The following AGXT2 variants were observed in gnomAD, a reference collection of about 807,000 sequenced individuals.
AGXT2 encodes alanine--glyoxylate aminotransferase 2.
A neutral mutation model predicts 62.5 loss-of-function variants in AGXT2; 61 were observed. The observed-to-expected ratio is 0.98, with a 90% CI of 0.79 to 1.21. AGXT2 has a LOEUF of 1.21. AGXT2 is among the 50% of genes most tolerant of loss of function. AGXT2 has a pLI of 0.00. For missense variants in AGXT2, 666 were observed against 641.5 expected (o/e 1.04, Z -0.41); for synonymous variants, 243 against 218.7 (o/e 1.11, Z -0.98).
intron 7 of AGXT2, among the ~76,000 whole-genome samples, chr5:35,028,581 G>T (rs1767447131): frequency 2.1e-5 from 2 of 93,496 alleles, no homozygotes; most frequent in Non-Finnish European, 4.4e-5. Context: ...GAGAGAGAGA[G>T]AGAGAGAGAG....
intron 4 of AGXT2, among the ~76,000 whole-genome samples, chr5:35,035,961 C>T (rs1296810059): frequency 6.6e-6 from 1 of 152,058 alleles, no homozygotes; most frequent in East Asian, 1.9e-4. Flanking sequence ...CCTGTAATCC[C>T]AGCTACTTGG....
intron 13 of AGXT2, 82 bp downstream of exon 13, chr5:35,003,681 C>G (rs1233469756): frequency 7.5e-7 from 1 of 1,339,504 alleles, no homozygotes; most frequent in Non-Finnish European, 1.1e-6. Flanking sequence ...ATCTTCACAG[C>G]TGTGAAGAAA....
rs1486720843 is a variant in AGXT2 at position 35,019,563 on chromosome 5, G to A, written c.964-5444C>T. 4.8e-4 allele frequency among the ~76,000 whole-genome samples: 73 copies of A among 152,224 alleles called. No individual in the cohort carries two copies. In the East Asian group the frequency reaches 0.011, roughly 22 times the overall value. ...CAAAACATACCAGAATCTCTGGGAC[G>A]CATTCAAAGCAGTGTGTAGAGGGAA... On this transcript the variant is annotated intron_variant, in intron 9 of 13. Coordinates refer to ENST00000231420, the MANE Select transcript of AGXT2 (RefSeq NM_031900.4).
Position 35,032,838 on chromosome 5 carries a change from A to C in AGXT2, c.676-13T>G, listed in dbSNP as rs1308530684. The C allele has an allele frequency of 6.3e-7, 1 of 1,592,606 alleles. No homozygotes were observed. The highest frequency in any genetic ancestry group is 2.2e-5 in the East Asian group (1 of 44,462). On this transcript the variant is annotated splice_polypyrimidine_tract_variant and intron_variant, in intron 6 of 13. Transcript: ENST00000231420. The stretch of plus-strand genomic sequence containing the variant: ...CTGGACACATTGTCTGCAAATGACA[A>C]AAGAAGGAGTGTGGCAAAGCATGAA...
chr5:35,033,059 G>T, intron 6 of AGXT2: 1 of 534,954 alleles, frequency 1.9e-6, no homozygotes, highest in South Asian at 2.0e-5. Flanking sequence ...GAAACAGCTT[G>T]CTCAAGGGTG....
chr5:35,041,065 G>C (rs1767967443), intron 1 of AGXT2, among the ~76,000 whole-genome samples: 1 of 151,984 alleles, frequency 6.6e-6, no homozygotes, highest in Admixed American at 6.6e-5. Context: ...CTGAATTCTA[G>C]TGTGTAGCCA....
intron 9 of AGXT2, among the ~76,000 whole-genome samples, 159 bp from the exon 10 acceptor site, chr5:35,014,278 C>G (rs978842270): frequency 1.3e-5 from 2 of 151,824 alleles, no homozygotes; most frequent in Non-Finnish European, 2.9e-5. Context: ...ATGGTGAAAC[C>G]CTGTCTCTTC....
chr5:35,009,604 A>G (rs1294385418), intron 12 of AGXT2, among the ~76,000 whole-genome samples: 1 of 152,074 alleles, frequency 6.6e-6, no homozygotes, highest in Non-Finnish European at 1.5e-5. Context: ...CTCAACAACA[A>G]CAACTCCTAA....
intron 4 of AGXT2, 105 bp from the exon 5 acceptor site, chr5:35,035,421 G>T: frequency 1.1e-6 from 1 of 907,994 alleles, no homozygotes. Context: ...ATTAAGGAGA[G>T]TTCCCTTCAG....
At chr5:35,038,590 G>T (rs573151823) in intron 3 of AGXT2, among the ~76,000 whole-genome samples, 3 of 151,872 alleles carry the variant, frequency 2.0e-5, no homozygotes, top group Non-Finnish European at 2.9e-5. Flanking sequence ...AGCTGCCTGA[G>T]GGGGGGGACT....
chr5:35,021,766 T>A (rs75740152), intron 9 of AGXT2, among the ~76,000 whole-genome samples: 133,482 of 139,526 alleles, frequency 0.96, 63,944 homozygotes, highest in Non-Finnish European at 0.99. Flanking sequence ...CAAAAGAAAC[T>A]ACCATCAGAG....
chr5:35,041,491 C>T (rs1404613925), intron 1 of AGXT2, among the ~76,000 whole-genome samples: 4 of 152,156 alleles, frequency 2.6e-5, no homozygotes, highest in Non-Finnish European at 5.9e-5. Flanking sequence ...TCAACCATTT[C>T]CACCCTTCCC....
intron 7 of AGXT2, among the ~76,000 whole-genome samples, 177 bp downstream of exon 7, chr5:35,032,555 C>T (rs190726189): frequency 6.6e-6 from 1 of 152,332 alleles, no homozygotes; most frequent in Non-Finnish European, 1.5e-5. Flanking sequence ...GAAGTGATAG[C>T]AGACATAAGC....
intron 1 of AGXT2, among the ~76,000 whole-genome samples, chr5:35,041,223 C>CGAAAAAAAA (rs70973023): frequency 0.055 from 2,825 of 51,428 alleles, 269 homozygotes; most frequent in African/African-American, 0.12. Flanking sequence ...CTCCCCCCGC[C>CGAAAAAAAA]AAAAAAAAAA....
chr5:34,999,512 C>A (rs148742409), intron 13 of AGXT2, among the ~76,000 whole-genome samples: 116 of 152,208 alleles, frequency 7.6e-4, no homozygotes, highest in African/African-American at 2.7e-3. Flanking sequence ...TATTGAATGG[C>A]TTTTTTCTAA....
chr5:35,035,974 G>A (rs1245866139), intron 4 of AGXT2, among the ~76,000 whole-genome samples: 1 of 151,986 alleles, frequency 6.6e-6, no homozygotes, highest in East Asian at 1.9e-4. Flanking sequence ...CTACTTGGGG[G>A]GCTGAGGCAG....
At chr5:35,034,863 G>C (rs1177472419) in intron 5 of AGXT2, among the ~76,000 whole-genome samples, 1 of 152,118 alleles carries the variant, frequency 6.6e-6, no homozygotes, top group African/African-American at 2.4e-5. Context: ...GTAGAGCCTT[G>C]ATCTTCTAAG....
chr5:35,001,790 G>C (rs1246714102), intron 13 of AGXT2, among the ~76,000 whole-genome samples: 1 of 145,620 alleles, frequency 6.9e-6, no homozygotes, highest in Non-Finnish European at 1.6e-5. Context: ...CTGCTACCCA[G>C]AAAGCCTGGC....
intron 4 of AGXT2, among the ~76,000 whole-genome samples, chr5:35,036,293 G>A (rs344152): frequency 0.66 from 100,482 of 151,980 alleles, 33,331 homozygotes; most frequent in South Asian, 0.77. Context: ...GTAATGTAGA[G>A]AACATGGTAA....
Sources: allele counts gnomAD v4.1 joint callset (sites outside exome capture counted in the v4.1 genomes callset), GRCh38; gene constraint gnomAD v4.1.1; transcripts MANE v1.5; gene names NCBI Gene and HGNC (gene_info 2026-07-23, HGNC 2026-07-21).